Variants in R3HCC1L observed in about 807,000 individuals in gnomAD.
The protein encoded by R3HCC1L is R3H domain and coiled-coil containing 1 like.
R3HCC1L carries 51 observed loss-of-function variants against 59.9 expected under a neutral mutation model. The ratio of observed to expected loss-of-function variants is 0.85; its 90% CI spans 0.68 to 1.07. The LOEUF is 1.07. R3HCC1L is among the 50% of genes least tolerant of loss of function. R3HCC1L has a pLI of 0.00. For synonymous variants in R3HCC1L, 322 were observed against 315.2 expected, an observed-to-expected ratio of 1.02 and a Z score of -0.23; for missense variants, 965 against 933.0, an observed-to-expected ratio of 1.03 and a Z score of -0.45.
At chr10:98,175,337 TG>T (rs988110251) in intron 4 of R3HCC1L, among the ~76,000 whole-genome samples, 18 of 152,296 alleles carry the variant, frequency 1.2e-4, no homozygotes, top group Non-Finnish European at 1.9e-4. Flanking sequence ...AGATTATATA[TG>T]GCAAACTTCA....
intron 5 of R3HCC1L, among the ~76,000 whole-genome samples, chr10:98,230,132 A>G (rs1352043376): frequency 6.6e-6 from 1 of 152,108 alleles, no homozygotes; most frequent in Admixed American, 6.5e-5. Context: ...TTTTCTATTG[A>G]TTGGAATAGT....
rs2135807424 is a variant in R3HCC1L, at chr10:98,244,356, C to G, written c.*198C>G. The G allele has an allele frequency of 2.0e-6, 1 of 508,842 alleles. No individual in the cohort carries two copies. The highest frequency in any genetic ancestry group is 3.3e-5 in the Admixed American group (1 of 30,086). The allele number at this position is 508,842 out of a possible 1,614,324, so 31.5% of individuals were successfully genotyped here. A position where few individuals can be genotyped will look rare whatever the true frequency, so the allele number is the denominator to read the frequency against. On this transcript the variant is annotated 3_prime_UTR_variant, in exon 10 of 10. Coordinates refer to ENST00000298999, the MANE Select transcript of R3HCC1L (RefSeq NM_001351015.2). ...CCTAAATGCAGTTCTTTGGAATCAC[C>G]CTACTGTGGTGGGCGTAGTAGGGAG...
chr10:98,223,979 G>T (rs992080996), intron 5 of R3HCC1L, among the ~76,000 whole-genome samples: 1 of 152,128 alleles, frequency 6.6e-6, no homozygotes. Context: ...CAAGCAGCAC[G>T]CAGAATAATT....
intron 5 of R3HCC1L, among the ~76,000 whole-genome samples, chr10:98,215,375 A>G (rs1201953681): frequency 6.6e-6 from 1 of 151,916 alleles, no homozygotes; most frequent in African/African-American, 2.4e-5. Context: ...TTTTATACAT[A>G]TTGAAACAAC....
intron 4 of R3HCC1L, among the ~76,000 whole-genome samples, chr10:98,196,140 G>A (rs1851408737): frequency 6.6e-6 from 1 of 152,142 alleles, no homozygotes; most frequent in Admixed American, 6.5e-5. Flanking sequence ...GACAAAGCAG[G>A]TATTGTTAGA....
intron 7 of R3HCC1L, 23 bp from the exon 8 acceptor site, chr10:98,235,402 C>T: frequency 1.3e-6 from 2 of 1,594,646 alleles, no homozygotes; most frequent in African/African-American, 1.3e-5. Context: ...ATGTCTTCTG[C>T]TTCCTTTTAT....
chr10:98,241,163 CGTCACTCTAAA>C (rs1465044437), intron 9 of R3HCC1L, among the ~76,000 whole-genome samples: 2 of 151,984 alleles, frequency 1.3e-5, no homozygotes, highest in Non-Finnish European at 1.5e-5. Flanking sequence ...CTACTATGTC[CGTCACTCTAAA>C]AGAAGGGAAT....
At chr10:98,138,398 T>G (rs1844800774) in intron 1 of R3HCC1L, among the ~76,000 whole-genome samples, 1 of 152,210 alleles carries the variant, frequency 6.6e-6, no homozygotes, top group African/African-American at 2.4e-5. Context: ...TGTTTTAATC[T>G]TAAACACTTT....
At chr10:98,137,253 C>T (rs1370066710) in intron 1 of R3HCC1L, among the ~76,000 whole-genome samples, 5 of 152,228 alleles carry the variant, frequency 3.3e-5, no homozygotes, top group Admixed American at 2.0e-4. Flanking sequence ...TCGGATTTTC[C>T]GATTAGGGAT....
At chr10:98,140,255 C>T (rs1009003521) in intron 1 of R3HCC1L, among the ~76,000 whole-genome samples, 1 of 152,134 alleles carries the variant, frequency 6.6e-6, no homozygotes, top group Non-Finnish European at 1.5e-5. Context: ...CGTCCTGTTT[C>T]TGTTTTCTTG....
intron 4 of R3HCC1L, 48 bp downstream of exon 4, chr10:98,163,445 A>T: frequency 1.8e-6 from 2 of 1,115,976 alleles, no homozygotes; most frequent in Non-Finnish European, 1.2e-6. Flanking sequence ...CTGTCTGTTT[A>T]CTCTAAAGAT....
chr10:98,207,373 A>G (rs1390449960), intron 4 of R3HCC1L, among the ~76,000 whole-genome samples: 5 of 152,146 alleles, frequency 3.3e-5, no homozygotes, highest in Non-Finnish European at 2.9e-5. Context: ...CCATTGAGCA[A>G]CCATGGTGGA....
intron 4 of R3HCC1L, among the ~76,000 whole-genome samples, chr10:98,199,041 A>C (rs917278034): frequency 2.2e-5 from 3 of 137,062 alleles, no homozygotes; most frequent in African/African-American, 7.7e-5. Flanking sequence ...AAAATAATGG[A>C]CATTTTGCAT....
chr10:98,218,010 T>C (rs1420741843), intron 5 of R3HCC1L, among the ~76,000 whole-genome samples: 1 of 152,212 alleles, frequency 6.6e-6, no homozygotes, highest in Non-Finnish European at 1.5e-5. Flanking sequence ...TTTATTTCTC[T>C]TTCCTGTTGC....
intron 5 of R3HCC1L, among the ~76,000 whole-genome samples, chr10:98,216,608 T>G (rs985257305): frequency 6.6e-6 from 1 of 152,172 alleles, no homozygotes; most frequent in Non-Finnish European, 1.5e-5. Flanking sequence ...AGTCTCACTT[T>G]GTTGCCCAGG....
At chr10:98,134,974 C>T (rs945551912) in intron 1 of R3HCC1L, among the ~76,000 whole-genome samples, 1 of 152,142 alleles carries the variant, frequency 6.6e-6, no homozygotes, top group African/African-American at 2.4e-5. Context: ...TTTGGGCGCT[C>T]GCCCCAAATG....
chr10:98,163,697 G>A (rs1450001437), intron 4 of R3HCC1L, among the ~76,000 whole-genome samples: 2 of 152,172 alleles, frequency 1.3e-5, no homozygotes, highest in African/African-American at 4.8e-5. Flanking sequence ...CACTGTAACA[G>A]CTGAGAGTTA....
chr10:98,136,730 G>C (rs925875485), intron 1 of R3HCC1L, among the ~76,000 whole-genome samples: 1 of 151,832 alleles, frequency 6.6e-6, no homozygotes, highest in Non-Finnish European at 1.5e-5. Flanking sequence ...CCAGCTACTC[G>C]GGAGGCTGAG....
rs770958922 is a variant in R3HCC1L, at chr10:98,208,168, A to G, written c.54A>G (p.Ala18=). ...CRVRARRPDM[A]LYVPKARRGA... ...TTAGAGCCAGAAGGCCTGACATGGC[A>G]CTTTATGTACCTAAAGCTCGTAGGG... The change falls in exon 5 of 10, where the codon GCA becomes GCG. Residue 18 remains alanine, a synonymous_variant. Coordinates refer to ENST00000298999, the MANE Select transcript of R3HCC1L (RefSeq NM_001351015.2). 6.2e-7 allele frequency: 1 copy of G among 1,613,640 alleles called. No individual in the cohort carries two copies. Among genetic ancestry groups the G allele is most frequent in the Non-Finnish European group, 8.5e-7 (1 of 1,179,786 alleles).
Sources: gnomAD v4.1 joint callset for allele counts (sites outside exome capture counted in the v4.1 genomes callset) on GRCh38, gnomAD v4.1.1 for gene constraint, MANE v1.5 for transcripts, NCBI Gene and HGNC (gene_info 2026-07-23, HGNC 2026-07-21) for gene names.